The following TNR variants were observed in gnomAD, a reference collection of about 807,000 sequenced individuals.
TNR encodes the protein tenascin-R.
Under a neutral mutation model 150.4 loss-of-function variants are expected in TNR, and 45 were observed. That is an observed-to-expected ratio of 0.30 (90% confidence interval 0.24 to 0.38). TNR has a LOEUF of 0.38. TNR is among the 10% of genes least tolerant of loss of function. The pLI is 1.00. For missense variants in TNR, 1,544 were observed against 1,759.1 expected, an observed-to-expected ratio of 0.88 and a Z score of 2.19; for synonymous variants, 687 against 678.4, an observed-to-expected ratio of 1.01 and a Z score of -0.20.
At chr1:175,373,946 G>T (rs972857889) in intron 9 of TNR, among the ~76,000 whole-genome samples, 2 of 152,154 alleles carry the variant, frequency 1.3e-5, no homozygotes, top group Non-Finnish European at 2.9e-5. Context: ...CCCCTGGAAG[G>T]TGACACCATG....
intron 1 of TNR, among the ~76,000 whole-genome samples, chr1:175,552,613 CT>C (rs983207519): frequency 1.3e-5 from 2 of 152,158 alleles, no homozygotes; most frequent in African/African-American, 4.8e-5. Context: ...CTGAAGCCAT[CT>C]ATGTAAGGCA....
rs369304946 is a variant in TNR at position 175,599,693 on chromosome 1, G to T, written c.-164-71324C>A. Among the ~76,000 whole-genome samples, 18 of 152,328 alleles carry T rather than the reference G, an allele frequency of 1.2e-4. No homozygotes were observed. The highest frequency in any genetic ancestry group is 7.7e-4 in the East Asian group (4 of 5,180). ...TTGCGGTGGGGAGAGGAGGACAGAG[G>T]GGCCAGGTGGAGCGGGGTCTGCAAA... is the stretch of plus-strand genomic sequence containing the variant. On this transcript the variant is annotated intron_variant, in intron 1 of 22. Coordinates refer to ENST00000367674, the MANE Select transcript of TNR (RefSeq NM_003285.3). This position sits in a 1 kb window ranked among gnomAD's most constrained non-coding sequence, Gnocchi z 4.7.
At chr1:175,725,944 T>C (rs1667465022) in intron 1 of TNR, among the ~76,000 whole-genome samples, 1 of 151,964 alleles carries the variant, frequency 6.6e-6, no homozygotes, top group African/African-American at 2.4e-5. Context: ...GTCATGGAAA[T>C]GAAAGTGGAA....
intron 2 of TNR, among the ~76,000 whole-genome samples, chr1:175,515,557 T>C (rs1044551798): frequency 1.3e-5 from 2 of 152,148 alleles, no homozygotes; most frequent in South Asian, 2.1e-4. Context: ...TGGACTTGGG[T>C]GTGGCCAGAA....
chr1:175,674,636 C>T (rs886309288), intron 1 of TNR, among the ~76,000 whole-genome samples: 1 of 152,122 alleles, frequency 6.6e-6, no homozygotes, highest in African/African-American at 2.4e-5. Flanking sequence ...CTGAGACAGT[C>T]CTGGGCCATC....
chr1:175,482,789 T>C (rs937886275), intron 2 of TNR, among the ~76,000 whole-genome samples: 4 of 152,202 alleles, frequency 2.6e-5, no homozygotes, highest in African/African-American at 9.7e-5. Context: ...CAAATTTCTC[T>C]AAGTTTCTAT....
At chr1:175,570,244 C>G (rs1661808048) in intron 1 of TNR, among the ~76,000 whole-genome samples, 1 of 152,164 alleles carries the variant, frequency 6.6e-6, no homozygotes, top group African/African-American at 2.4e-5. Flanking sequence ...ACTTTACAAA[C>G]CCACCTCAAT....
rs764826338 is a variant in TNR, at chr1:175,330,998, ATTCTTTCTTTCTTTCTTTCT to A, written c.3632-783_3632-764del. On this transcript the variant is annotated intron_variant, in intron 20 of 22. Coordinates refer to ENST00000367674, the MANE Select transcript of TNR (RefSeq NM_003285.3). The stretch of plus-strand genomic sequence containing the variant: ...GGCAGAGTCCAGATCCCTCTTGGTG[ATTCTTTCTTTCTTTCTTTCT>A]TTCTTTCTTTCTTTCTTTCTTTCTT... Among the ~76,000 whole-genome samples the A allele has an allele frequency of 2.9e-3, 210 of 72,820 alleles. 2 individuals carry two copies. The highest frequency in any genetic ancestry group is 8.7e-3 in the South Asian group (16 of 1,840). The allele number at this position is 72,820 out of a possible 152,430, so 47.8% of individuals were successfully genotyped here. A position where few individuals can be genotyped will look rare whatever the true frequency, so the allele number is the denominator to read the frequency against.
chr1:175,609,181 G>T (rs1283351053), intron 1 of TNR, among the ~76,000 whole-genome samples: 7 of 152,200 alleles, frequency 4.6e-5, no homozygotes, highest in Non-Finnish European at 8.8e-5. Flanking sequence ...CACAGATGGA[G>T]CTTTCAAACA....
chr1:175,477,518 G>A (rs1435608405), intron 2 of TNR, among the ~76,000 whole-genome samples: 4 of 152,182 alleles, frequency 2.6e-5, no homozygotes, highest in Non-Finnish European at 5.9e-5. Context: ...AAAGTGTTGG[G>A]CATACATAGT....
intron 2 of TNR, among the ~76,000 whole-genome samples, chr1:175,407,129 T>C (rs925929717): frequency 1.3e-5 from 2 of 152,178 alleles, no homozygotes; most frequent in Admixed American, 1.3e-4. Flanking sequence ...AGAGTTTCTT[T>C]TCACTTCTAG....
chr1:175,505,165 C>T (rs1658904431), intron 2 of TNR, among the ~76,000 whole-genome samples: 1 of 152,250 alleles, frequency 6.6e-6, no homozygotes, highest in African/African-American at 2.4e-5. Flanking sequence ...CTGTGCCCAC[C>T]TCTGGTCCTC....
chr1:175,593,774 G>T (rs376115114), intron 1 of TNR, among the ~76,000 whole-genome samples: 2 of 152,144 alleles, frequency 1.3e-5, no homozygotes, highest in Non-Finnish European at 2.9e-5. Flanking sequence ...TGCCTGGCAA[G>T]TAGGGCCCAA....
chr1:175,513,712 T>C (rs1306677405), intron 2 of TNR, among the ~76,000 whole-genome samples: 1 of 152,222 alleles, frequency 6.6e-6, no homozygotes, highest in African/African-American at 2.4e-5. Flanking sequence ...AGGGGTGCTA[T>C]TGACTGGGCT....
chr1:175,559,604 A>C (rs1223007050), intron 1 of TNR, among the ~76,000 whole-genome samples: 1 of 152,134 alleles, frequency 6.6e-6, no homozygotes, highest in Non-Finnish European at 1.5e-5. Context: ...AGTATTGTAC[A>C]TGTTTTTAGA....
At chr1:175,468,743 C>G (rs1353786962) in intron 2 of TNR, among the ~76,000 whole-genome samples, 1 of 152,100 alleles carries the variant, frequency 6.6e-6, no homozygotes, top group Non-Finnish European at 1.5e-5. Flanking sequence ...GTTTAAAGAC[C>G]CGCAGGTGCT....
At position 175,581,461 on chromosome 1, in the gene TNR, C is replaced by T. The variant is rs76648691; in HGVS notation, c.-164-53092G>A. Among the ~76,000 whole-genome samples the T allele has an allele frequency of 1.8e-3, 273 of 152,212 alleles. 3 individuals carry two copies. In the East Asian group the frequency reaches 0.041, roughly 23 times the overall value. On this transcript the variant is annotated intron_variant, in intron 1 of 22. Transcript: ENST00000367674. ...CAGATGGATTGGAGTTTCTTGGGGT[C>T]GAGCATTTGCACTTGTCCACCTCCA... is the stretch of plus-strand genomic sequence containing the variant.
chr1:175,541,620 A>G (rs1253018470), intron 1 of TNR, among the ~76,000 whole-genome samples: 1 of 152,156 alleles, frequency 6.6e-6, no homozygotes, highest in Non-Finnish European at 1.5e-5. Flanking sequence ...CCATTACTGA[A>G]TCTGGGGCTG....
rs922723790 is a variant in TNR, at chr1:175,665,588, T to A, written c.-165+77638A>T. 2.6e-5 allele frequency among the ~76,000 whole-genome samples: 4 copies of A among 152,226 alleles called. No homozygotes were observed. The East Asian group carries it at 7.7e-4, about 29-fold the overall frequency. ...CACACAGAGCTGTGGTGTCACCTCA[T>A]AGCACATTTGTTCTGGGGAGCAATA... On this transcript the variant is annotated intron_variant, in intron 1 of 22. Transcript: ENST00000367674.
Sources: gnomAD v4.1 joint callset for allele counts (sites outside exome capture counted in the v4.1 genomes callset) on GRCh38, gnomAD v4.1.1 for gene constraint, Gnocchi (gnomAD v3.1) non-coding constraint, MANE v1.5 for transcripts, NCBI Gene and HGNC (gene_info 2026-07-23, HGNC 2026-07-21) for gene names.